LONP2: variants seen among roughly 807,000 people sequenced by gnomAD.
LONP2 encodes lon protease homolog 2, peroxisomal.
In LONP2, 60 loss-of-function variants were observed where a neutral mutation model predicts 85.6. That is an observed-to-expected ratio of 0.70 (90% CI 0.57 to 0.87). The LOEUF (loss-of-function observed/expected upper bound fraction) is 0.87, where lower values mean the gene tolerates loss of function less well. Ranked by LOEUF, LONP2 falls within the 40% of genes least tolerant of loss-of-function variation. LONP2 has a pLI of 0.00. For synonymous variants in LONP2, 395 were observed against 389.7 expected (o/e 1.01, Z -0.16); for missense variants, 860 against 1,063.5 (o/e 0.81, Z 2.66).
chr16:48,310,018 C>T (rs955329808), intron 11 of LONP2, among the ~76,000 whole-genome samples: 4 of 150,538 alleles, frequency 2.7e-5, no homozygotes, highest in African/African-American at 9.8e-5. Context: ...ATTGTTATAT[C>T]TTCTTGTTGA....
At chr16:48,315,426 T>G (rs2151011028) in intron 11 of LONP2, among the ~76,000 whole-genome samples, 1 of 152,270 alleles carries the variant, frequency 6.6e-6, no homozygotes, top group Non-Finnish European at 1.5e-5. Flanking sequence ...AATGTCAAGG[T>G]GCCAGCTTCT....
At chr16:48,312,367 T>A (rs1973051200) in intron 11 of LONP2, among the ~76,000 whole-genome samples, 1 of 152,208 alleles carries the variant, frequency 6.6e-6, no homozygotes, top group Non-Finnish European at 1.5e-5. Context: ...GCACCTTTTT[T>A]TTTTCATATT....
At position 48,334,221 on chromosome 16, in the gene LONP2, A is replaced by C; in HGVS notation, c.1801A>C (p.Arg601=). 6.2e-7 allele frequency: 1 copy of C among 1,613,658 alleles called. No homozygotes were observed. The highest frequency in any genetic ancestry group is 8.5e-7 in the Non-Finnish European group (1 of 1,179,800). ...RSDVTEREGC[R]EHILEDEKPE... ...TACATTTTTTTTTCTTTTAGGTTGC[A>C]GAGAACACATCTTAGAAGATGAAAA... The change falls in exon 12 of 15, where the codon AGA becomes CGA. Residue 601 remains arginine (R), a synonymous_variant. Transcript: ENST00000285737.
In LONP2 at chr16:48,277,365, T is replaced by A; in HGVS notation, c.1269T>A (p.Gly423=). The change falls in exon 8 of 15, where the codon GGT becomes GGA. Residue 423 remains glycine, a synonymous_variant. Coordinates refer to ENST00000285737, the MANE Select transcript of LONP2 (RefSeq NM_031490.5). The part of the protein sequence containing the change: ...HRRTYVGSMP[G]RIINGLKTVG... ...GCACCTATGTTGGCAGCATGCCTGGTCGCATCATCAACGGCTTGAAGACTG... is the reference window on the plus strand; with the variant it reads ...GCACCTATGTTGGCAGCATGCCTGGACGCATCATCAACGGCTTGAAGACTG... The A allele has an allele frequency of 1.9e-6, 3 of 1,613,544 alleles. No homozygotes were observed. The highest frequency in any genetic ancestry group is 2.5e-6 in the Non-Finnish European group (3 of 1,179,716).
At chr16:48,333,157 T>C (rs928137271) in intron 11 of LONP2, among the ~76,000 whole-genome samples, 3 of 151,824 alleles carry the variant, frequency 2.0e-5, no homozygotes, top group African/African-American at 7.2e-5. Context: ...CATTTTGGGT[T>C]TCTGGCCACA....
chr16:48,244,710 G>C, intron 1 of LONP2, 89 bp downstream of exon 1: 1 of 977,710 alleles, frequency 1.0e-6, no homozygotes, highest in South Asian at 2.7e-5. Flanking sequence ...TGAGCGCGAG[G>C]CTCAGTTCGG....
intron 14 of LONP2, among the ~76,000 whole-genome samples, chr16:48,349,691 G>T (rs1960080372): frequency 6.6e-6 from 1 of 152,184 alleles, no homozygotes; most frequent in Admixed American, 6.5e-5. Flanking sequence ...GGATTTGAAA[G>T]TGGTCAAAGA....
chr16:48,312,625 G>T (rs1973057617), intron 11 of LONP2, among the ~76,000 whole-genome samples: 1 of 152,122 alleles, frequency 6.6e-6, no homozygotes, highest in Non-Finnish European at 1.5e-5. Context: ...TAATGTACGG[G>T]GTGGGTGATT....
chr16:48,332,233 GGAGT>G (rs1959476997), intron 11 of LONP2, among the ~76,000 whole-genome samples: 2 of 152,278 alleles, frequency 1.3e-5, no homozygotes, highest in Middle Eastern at 3.4e-3. Context: ...TGAAAGGAAA[GGAGT>G]TAGTGGAAAA....
Position 48,352,058 on chromosome 16 carries a change from TC to T in LONP2, c.*257del. On this transcript the variant is annotated 3_prime_UTR_variant, in exon 15 of 15. Coordinates refer to ENST00000285737, the MANE Select transcript of LONP2 (RefSeq NM_031490.5). ...CCCTGGAAAGATATAGCATAGTGGT[TC>T]TCAGCACAGTCTCCAGAACAGAAGC... 2 of 464,216 alleles carry T rather than the reference TC, an allele frequency of 4.3e-6. No homozygotes were observed. Among genetic ancestry groups the T allele is most frequent in the Non-Finnish European group, 7.7e-6 (2 of 258,526 alleles). The allele number at this position is 464,216 out of a possible 1,614,324, so 28.8% of individuals were successfully genotyped here. A position where few individuals can be genotyped will look rare whatever the true frequency, so the allele number is the denominator to read the frequency against.
chr16:48,336,795 G>T (rs1243856971), intron 12 of LONP2, among the ~76,000 whole-genome samples: 1 of 152,212 alleles, frequency 6.6e-6, no homozygotes, highest in Admixed American at 6.5e-5. Flanking sequence ...AGGCCATCTG[G>T]ATGTATACAT....
rs1972953521 is a variant in LONP2 at position 48,308,240 on chromosome 16, A to G, written c.1795+4935A>G. Among the ~76,000 whole-genome samples, 3 of 152,220 alleles carry G rather than the reference A, an allele frequency of 2.0e-5. No homozygotes were observed. In the South Asian group the frequency reaches 6.2e-4, roughly 32 times the overall value. On this transcript the variant is annotated intron_variant, in intron 11 of 14. Transcript: ENST00000285737. ...AGTAGACAAAAACGTACACTGGGAAAGGACAACCTATTCAGTAAATGGTGC... is the reference window on the plus strand; with the variant it reads ...AGTAGACAAAAACGTACACTGGGAAGGGACAACCTATTCAGTAAATGGTGC...
intron 8 of LONP2, among the ~76,000 whole-genome samples, chr16:48,292,795 T>C (rs1972583154): frequency 6.6e-6 from 1 of 152,230 alleles, no homozygotes; most frequent in Non-Finnish European, 1.5e-5. Context: ...TCCATAAATA[T>C]TATCAAACCA....
At position 48,352,818 on chromosome 16, in the gene LONP2, C is replaced by T. The variant is rs1960192714; in HGVS notation, c.*1016C>T. 6.6e-6 allele frequency: 1 copy of T among 152,194 alleles called. No individual in the cohort carries two copies. Among genetic ancestry groups the T allele is most frequent in the African/African-American group, 2.4e-5 (1 of 41,428 alleles). 9.4% of individuals were successfully genotyped at this position (152,194 alleles called of 1,614,324 possible). A position where few individuals can be genotyped will look rare whatever the true frequency, so the allele number is the denominator to read the frequency against. ...TGCAACCTCAGAAGAGTGCAGCTCC[C>T]AGAGGGAGGCAGCCATCCATCTGGG... On this transcript the variant is annotated 3_prime_UTR_variant, in exon 15 of 15. Coordinates refer to ENST00000285737, the MANE Select transcript of LONP2 (RefSeq NM_031490.5).
intron 6 of LONP2, among the ~76,000 whole-genome samples, chr16:48,269,690 C>A (rs998366016): frequency 6.6e-6 from 1 of 151,988 alleles, no homozygotes; most frequent in Non-Finnish European, 1.5e-5. Flanking sequence ...AAAAAAATCA[C>A]CCTTTTTTTT....
intron 11 of LONP2, among the ~76,000 whole-genome samples, chr16:48,325,473 A>T (rs1228798620): frequency 1.3e-5 from 2 of 152,178 alleles, no homozygotes; most frequent in African/African-American, 4.8e-5. Flanking sequence ...CTGTAAGATC[A>T]ACTTCTTTAG....
chr16:48,307,733 G>A (rs758194838), intron 11 of LONP2, among the ~76,000 whole-genome samples: 2 of 152,166 alleles, frequency 1.3e-5, no homozygotes, highest in Non-Finnish European at 2.9e-5. Flanking sequence ...AAATTTAACA[G>A]TTATTTGTGA....
Position 48,353,167 on chromosome 16 carries a change from A to G in LONP2, c.*1365A>G, listed in dbSNP as rs952854937. 6.6e-6 allele frequency: 1 copy of G among 152,150 alleles called. No individual in the cohort carries two copies. The highest frequency in any genetic ancestry group is 1.5e-5 in the Non-Finnish European group (1 of 68,042). The allele number at this position is 152,150 out of a possible 1,614,324, so 9.4% of individuals were successfully genotyped here. On this transcript the variant is annotated 3_prime_UTR_variant, in exon 15 of 15. Coordinates refer to ENST00000285737, the MANE Select transcript of LONP2 (RefSeq NM_031490.5). The stretch of plus-strand genomic sequence containing the variant: ...GGACTTCAGAATCTTTTATTACACA[A>G]TATAAGAATATGTATGTAAAGACAT...
intron 7 of LONP2, among the ~76,000 whole-genome samples, chr16:48,272,292 A>G (rs372461347): frequency 1.1e-3 from 160 of 152,278 alleles, no homozygotes; most frequent in African/African-American, 3.6e-3. Context: ...TATTTATCCT[A>G]TTCTCAGCAT....
Sources: gnomAD v4.1 joint callset for allele counts (sites outside exome capture counted in the v4.1 genomes callset) on GRCh38, gnomAD v4.1.1 for gene constraint, MANE v1.5 for transcripts, NCBI Gene and HGNC (gene_info 2026-07-23, HGNC 2026-07-21) for gene names.